Variants in LRMDA observed in about 807,000 individuals in gnomAD.
LRMDA encodes the protein leucine rich melanocyte differentiation associated.
In LRMDA, 18 loss-of-function variants were observed where a neutral mutation model predicts 29.8. The observed-to-expected ratio is 0.60, with a 90% confidence interval of 0.42 to 0.90. The LOEUF (loss-of-function observed/expected upper bound fraction) is 0.90, where lower values mean the gene tolerates loss of function less well. LRMDA is among the 40% of genes least tolerant of loss of function. The pLI, the probability that LRMDA is intolerant of heterozygous loss-of-function variation, is 0.00. For missense variants in LRMDA, 273 were observed against 273.9 expected, an observed-to-expected ratio of 1.00 and a Z score of 0.02; for synonymous variants, 125 against 109.4, an observed-to-expected ratio of 1.14 and a Z score of -0.89.
intron 6 of LRMDA, among the ~76,000 whole-genome samples, chr10:76,429,472 G>T (rs141121499): frequency 2.6e-5 from 4 of 152,140 alleles, no homozygotes; most frequent in Admixed American, 2.6e-4. Flanking sequence ...GTGATTGGAC[G>T]TGGAGAGCAG....
chr10:75,904,698 C>T (rs1845729883), intron 2 of LRMDA, among the ~76,000 whole-genome samples: 1 of 152,202 alleles, frequency 6.6e-6, no homozygotes, highest in Non-Finnish European at 1.5e-5. Flanking sequence ...AGATTTTAAT[C>T]AGCGCTCTTT....
At chr10:75,667,322 T>C (rs1408292060) in intron 2 of LRMDA, among the ~76,000 whole-genome samples, 1 of 152,158 alleles carries the variant, frequency 6.6e-6, no homozygotes, top group Non-Finnish European at 1.5e-5. Flanking sequence ...AAATTAATTT[T>C]TGGGACAGGC....
At chr10:75,717,858 G>A (rs566869865) in intron 2 of LRMDA, among the ~76,000 whole-genome samples, 4 of 152,042 alleles carry the variant, frequency 2.6e-5, no homozygotes, top group African/African-American at 4.8e-5. Flanking sequence ...TCTGACCACC[G>A]AGTAGTTCAT....
intron 2 of LRMDA, among the ~76,000 whole-genome samples, chr10:75,574,075 C>A (rs1250432795): frequency 6.6e-6 from 1 of 151,910 alleles, no homozygotes; most frequent in African/African-American, 2.4e-5. Context: ...TATTGGGTAG[C>A]CCTTAGATAT....
At chr10:75,918,903 A>T (rs776453384) in intron 2 of LRMDA, among the ~76,000 whole-genome samples, 1 of 152,220 alleles carries the variant, frequency 6.6e-6, no homozygotes, top group Non-Finnish European at 1.5e-5. Flanking sequence ...AGAAAAAAAA[A>T]GATGGAGCAG....
chr10:76,166,156 C>G (rs1227792438), intron 5 of LRMDA, among the ~76,000 whole-genome samples: 1 of 152,166 alleles, frequency 6.6e-6, no homozygotes, highest in African/African-American at 2.4e-5. Flanking sequence ...TCCTAACTTC[C>G]ACACATATTT....
chr10:76,335,567 A>G (rs1279687517), intron 6 of LRMDA, among the ~76,000 whole-genome samples: 1 of 152,208 alleles, frequency 6.6e-6, no homozygotes, highest in Non-Finnish European at 1.5e-5. Flanking sequence ...TGGTCTGGGT[A>G]TGGCATGGTT....
At chr10:76,118,532 C>A (rs1849704766) in intron 5 of LRMDA, among the ~76,000 whole-genome samples, 1 of 152,116 alleles carries the variant, frequency 6.6e-6, no homozygotes, top group Admixed American at 6.5e-5. Context: ...TCAGGAAATG[C>A]AAACTTAGGT....
At chr10:76,357,783 C>G (rs576487953) in intron 6 of LRMDA, among the ~76,000 whole-genome samples, 1 of 152,316 alleles carries the variant, frequency 6.6e-6, no homozygotes, top group African/African-American at 2.4e-5. Context: ...TCTCTCGTCT[C>G]CAGTCTCCCT....
intron 5 of LRMDA, among the ~76,000 whole-genome samples, chr10:76,243,625 T>C (rs77004670): frequency 0.028 from 4,262 of 152,278 alleles, 95 homozygotes; most frequent in Non-Finnish European, 0.043. Context: ...GGATAACAAA[T>C]TCAGGGGCTG....
chr10:75,526,378 A>G (rs553568430), intron 2 of LRMDA, among the ~76,000 whole-genome samples: 1 of 152,066 alleles, frequency 6.6e-6, no homozygotes, highest in African/African-American at 2.4e-5. Context: ...TTTATATTTT[A>G]AATAATGTAA....
intron 2 of LRMDA, among the ~76,000 whole-genome samples, chr10:75,969,992 A>T (rs1846937126): frequency 6.6e-6 from 1 of 152,242 alleles, no homozygotes; most frequent in Admixed American, 6.5e-5. Context: ...GCATGCTACC[A>T]TGAGATTCAG....
intron 2 of LRMDA, among the ~76,000 whole-genome samples, chr10:75,763,118 GACTA>G (rs1306993240): frequency 6.6e-6 from 1 of 152,172 alleles, no homozygotes; most frequent in Non-Finnish European, 1.5e-5. Flanking sequence ...TTAATTTTGT[GACTA>G]ACTGATAACT....
In LRMDA at chr10:76,245,706, G is replaced by A. The variant is rs142688380; in HGVS notation, c.517-78695G>A. On this transcript the variant is annotated intron_variant, in intron 5 of 6. Coordinates refer to ENST00000611255, the MANE Select transcript of LRMDA (RefSeq NM_001305581.2). Reference sequence around the variant, plus strand: ...AAGCAGAGCCAGGAATTGAACACATGTCTGTGTGAGGGCCTGTGTTTTATT... The same window carrying A: ...AAGCAGAGCCAGGAATTGAACACATATCTGTGTGAGGGCCTGTGTTTTATT... Among the ~76,000 whole-genome samples, 55 of 152,300 alleles carry A rather than the reference G, an allele frequency of 3.6e-4. No homozygotes were observed. In the East Asian group the frequency reaches 0.011, roughly 29 times the overall value.
intron 2 of LRMDA, among the ~76,000 whole-genome samples, chr10:75,663,178 T>C (rs566087557): frequency 6.6e-6 from 1 of 152,288 alleles, no homozygotes; most frequent in African/African-American, 2.4e-5. Flanking sequence ...TGTAGAGGAC[T>C]CTTAGGGCAG....
chr10:76,289,341 C>G (rs1206410282), intron 5 of LRMDA, among the ~76,000 whole-genome samples: 1 of 152,116 alleles, frequency 6.6e-6, no homozygotes, highest in Non-Finnish European at 1.5e-5. Context: ...TTGTACCTGC[C>G]AAATCATCAG....
At chr10:76,485,494 G>T (rs1320547133) in intron 6 of LRMDA, among the ~76,000 whole-genome samples, 2 of 151,734 alleles carry the variant, frequency 1.3e-5, no homozygotes, top group African/African-American at 4.8e-5. Flanking sequence ...TGTTATCACC[G>T]AATACAGTGC....
At chr10:75,952,421 A>G (rs528902741) in intron 2 of LRMDA, among the ~76,000 whole-genome samples, 2 of 152,312 alleles carry the variant, frequency 1.3e-5, no homozygotes, top group African/African-American at 2.4e-5. Context: ...CATGAATCAA[A>G]TGGGCCATTT....
intron 2 of LRMDA, among the ~76,000 whole-genome samples, chr10:75,474,399 G>T (rs1289897220): frequency 6.6e-6 from 1 of 152,188 alleles, no homozygotes; most frequent in Non-Finnish European, 1.5e-5. Context: ...TTCAGTGTCT[G>T]GTTTCTCATA....
Sources: allele counts gnomAD v4.1 joint callset (sites outside exome capture counted in the v4.1 genomes callset), GRCh38; gene constraint gnomAD v4.1.1; transcripts MANE v1.5; gene names NCBI Gene and HGNC (gene_info 2026-07-23, HGNC 2026-07-21).